The following GRM1 variants were observed in gnomAD, a reference collection of about 807,000 sequenced individuals.
GRM1 encodes the protein metabotropic glutamate receptor 1.
In GRM1, 33 loss-of-function variants were observed where a neutral mutation model predicts 90.9. That is an observed-to-expected ratio of 0.36 (90% CI 0.28 to 0.49). The LOEUF is 0.49. Ranked by LOEUF, GRM1 falls within the 20% of genes least tolerant of loss-of-function variation. The pLI, the probability that GRM1 is intolerant of heterozygous loss-of-function variation, is 0.99. For missense variants in GRM1, 1,190 were observed against 1,534.3 expected, an observed-to-expected ratio of 0.78 and a Z score of 3.75; for synonymous variants, 700 against 613.2, an observed-to-expected ratio of 1.14 and a Z score of -2.09.
At chr6:146,348,340 A>G (rs1033263904) in intron 3 of GRM1, among the ~76,000 whole-genome samples, 6 of 152,242 alleles carry the variant, frequency 3.9e-5, no homozygotes, top group African/African-American at 1.4e-4. Flanking sequence ...CATTATCTAG[A>G]CAGTTGCTGT....
chr6:146,106,247 C>T (rs182788970), intron 1 of GRM1, among the ~76,000 whole-genome samples: 1 of 152,272 alleles, frequency 6.6e-6, no homozygotes, highest in Admixed American at 6.5e-5. Context: ...ATAATACAGG[C>T]TTAAATCCTG....
chr6:146,321,714 G>C (rs1784196567), intron 3 of GRM1, among the ~76,000 whole-genome samples: 1 of 152,120 alleles, frequency 6.6e-6, no homozygotes, highest in African/African-American at 2.4e-5. Context: ...TTACCATTAA[G>C]TAATGCCCTT....
At position 146,030,198 on chromosome 6, in the gene GRM1, C is replaced by G; in HGVS notation, c.681C>G (p.Val227=). 1 of 1,611,824 alleles carries G rather than the reference C, an allele frequency of 6.2e-7. No individual in the cohort carries two copies. Among genetic ancestry groups the G allele is most frequent in the Non-Finnish European group, 8.5e-7 (1 of 1,177,946 alleles). Reference sequence around the variant, plus strand: ...TCAAACGTTACAATTGGACCTATGTCTCTGCAGTCCACACGGAAGGTAGGC... The same window carrying G: ...TCAAACGTTACAATTGGACCTATGTGTCTGCAGTCCACACGGAAGGTAGGC... ...DIVKRYNWTY[V]SAVHTEGNYG... Residue 227 remains valine, a synonymous_variant, in exon 1 of 8, where the codon GTC becomes GTG. Transcript: ENST00000282753.
chr6:146,246,026 T>A (rs763844175), intron 2 of GRM1, among the ~76,000 whole-genome samples: 1 of 152,218 alleles, frequency 6.6e-6, no homozygotes, highest in Non-Finnish European at 1.5e-5. Flanking sequence ...TAAATATAGA[T>A]AAATTAAATG....
chr6:146,043,287 G>C (rs905225938), intron 1 of GRM1, among the ~76,000 whole-genome samples: 1 of 151,936 alleles, frequency 6.6e-6, no homozygotes, highest in African/African-American at 2.4e-5. Context: ...AACAGAGTGA[G>C]ACCTTGTCTA....
At chr6:146,225,560 G>A (rs1362478977) in intron 2 of GRM1, among the ~76,000 whole-genome samples, 2 of 152,002 alleles carry the variant, frequency 1.3e-5, no homozygotes, top group African/African-American at 4.8e-5. Flanking sequence ...CTATTTCCTT[G>A]GGACTTCAAT....
rs1195779695 is a variant in GRM1, at chr6:146,397,473, C to CAAAAAAA, written c.1730-1292_1730-1286dup. Among the ~76,000 whole-genome samples the CAAAAAAA allele has an allele frequency of 6.3e-3, 106 of 16,758 alleles. 7 individuals are homozygous for CAAAAAAA. The highest frequency in any genetic ancestry group is 0.02 in the African/African-American group (93 of 4,580). The allele number at this position is 16,758 out of a possible 152,430, so 11.0% of individuals were successfully genotyped here. On this transcript the variant is annotated intron_variant, in intron 6 of 7. Coordinates refer to ENST00000282753, the MANE Select transcript of GRM1 (RefSeq NM_001278064.2). ...TGGGCAACAGAGTGAGACCCCGTCT[C>CAAAAAAA]AAAAAAAAAAGAAAAAAAAAAAAAA... is the stretch of plus-strand genomic sequence containing the variant.
At chr6:146,352,224 G>C (rs747516345) in intron 3 of GRM1, 26 bp from the exon 4 acceptor site, 1 of 1,610,730 alleles carries the variant, frequency 6.2e-7, no homozygotes, top group East Asian at 2.2e-5. Context: ...TGTGACCTTG[G>C]TAGTGATCTA....
chr6:146,146,673 G>A (rs1336480751), intron 1 of GRM1, among the ~76,000 whole-genome samples: 1 of 152,110 alleles, frequency 6.6e-6, no homozygotes, highest in Non-Finnish European at 1.5e-5. Flanking sequence ...CTCATGAGTA[G>A]ATTAAGCCTG....
chr6:146,396,011 T>C (rs1196907421), intron 6 of GRM1, among the ~76,000 whole-genome samples: 1 of 152,122 alleles, frequency 6.6e-6, no homozygotes, highest in African/African-American at 2.4e-5. Context: ...GATTTCATCA[T>C]AAATTAGTTC....
chr6:146,196,878 G>A (rs777518652), intron 2 of GRM1, among the ~76,000 whole-genome samples: 2 of 152,082 alleles, frequency 1.3e-5, no homozygotes, highest in Admixed American at 6.6e-5. Flanking sequence ...GTTAAGAATC[G>A]ATACAAAGCC....
chr6:146,196,846 A>G (rs1243661037), intron 2 of GRM1, among the ~76,000 whole-genome samples: 1 of 152,198 alleles, frequency 6.6e-6, no homozygotes, highest in Non-Finnish European at 1.5e-5. Context: ...TGATAGTGCT[A>G]TAATCTGTCA....
chr6:146,029,914 G>C lies in GRM1; in HGVS notation c.397G>C (p.Glu133Gln). The C allele has an allele frequency of 6.2e-7, 1 of 1,614,166 alleles. No homozygotes were observed. Among genetic ancestry groups the C allele is most frequent in the South Asian group, 1.1e-5 (1 of 91,084 alleles). ...GGACTCTCTGATTTCCATTCGAGAT[G>C]AGAAGGATGGGATCAACCGGTGTCT... ...IRDSLISIRD[E>Q]KDGINRCLPD... Residue 133 changes from glutamate to glutamine, a missense_variant, in exon 1 of 8, where the codon GAG becomes CAG. Glu to Gln is a conservative substitution (Grantham distance 29, BLOSUM62 2). Around this residue, in one of 10 missense-constraint regions of GRM1, gnomAD observed 91 missense variants for 95.6 expected, o/e 0.95. Coordinates refer to ENST00000282753, the MANE Select transcript of GRM1 (RefSeq NM_001278064.2).
At chr6:146,074,531 A>G (rs1043842354) in intron 1 of GRM1, among the ~76,000 whole-genome samples, 3 of 152,114 alleles carry the variant, frequency 2.0e-5, no homozygotes, top group East Asian at 3.9e-4. Flanking sequence ...TGGATTTGTC[A>G]GTCGTGGGAT....
chr6:146,316,021 C>T (rs1013555439), intron 3 of GRM1, among the ~76,000 whole-genome samples: 1 of 152,128 alleles, frequency 6.6e-6, no homozygotes, highest in Non-Finnish European at 1.5e-5. Flanking sequence ...TGGCTTGAAG[C>T]AACACAAATT....
intron 2 of GRM1, among the ~76,000 whole-genome samples, chr6:146,281,769 A>G (rs113792059): frequency 1.3e-5 from 2 of 152,256 alleles, no homozygotes; most frequent in African/African-American, 4.8e-5. Flanking sequence ...GTGATTCACT[A>G]CTTCTTTCAT....
At chr6:146,124,499 T>C (rs1776122481) in intron 1 of GRM1, among the ~76,000 whole-genome samples, 1 of 152,166 alleles carries the variant, frequency 6.6e-6, no homozygotes, top group African/African-American at 2.4e-5. Flanking sequence ...CTACAATACA[T>C]TAATAAATGT....
intron 1 of GRM1, among the ~76,000 whole-genome samples, chr6:146,092,763 A>G (rs900002607): frequency 1.3e-5 from 2 of 152,096 alleles, no homozygotes; most frequent in African/African-American, 4.8e-5. Context: ...ACCAAGAGGA[A>G]GCAAGGGAAG....
At chr6:146,264,789 A>G (rs1781820366) in intron 2 of GRM1, among the ~76,000 whole-genome samples, 1 of 152,154 alleles carries the variant, frequency 6.6e-6, no homozygotes, top group South Asian at 2.1e-4. Flanking sequence ...CATGGAGTAT[A>G]TGATTTACTG....
Sources: allele counts gnomAD v4.1 joint callset (sites outside exome capture counted in the v4.1 genomes callset), GRCh38; gene constraint gnomAD v4.1.1; regional missense constraint gnomAD v4.1.1; transcripts MANE v1.5; gene names NCBI Gene and HGNC (gene_info 2026-07-23, HGNC 2026-07-21).